Variants in ALDH1A1 observed in about 807,000 individuals in gnomAD.
ALDH1A1 encodes aldehyde dehydrogenase 1 family member A1.
ALDH1A1 carries 19 observed loss-of-function variants against 62.1 expected under a neutral mutation model. That is an observed-to-expected ratio of 0.31 (90% confidence interval 0.21 to 0.45). The LOEUF (loss-of-function observed/expected upper bound fraction) is 0.45. Ranked by LOEUF, ALDH1A1 falls within the 20% of genes least tolerant of loss-of-function variation. ALDH1A1 has a pLI of 1.00. For missense variants in ALDH1A1, 521 were observed against 607.1 expected (o/e 0.86, Z 1.49); for synonymous variants, 231 against 215.9 (o/e 1.07, Z -0.61).
intron 1 of ALDH1A1, among the ~76,000 whole-genome samples, chr9:72,951,047 GCAGAA>G: frequency 6.6e-6 from 1 of 152,004 alleles, no homozygotes; most frequent in South Asian, 2.1e-4. Context: ...TGCTATCTGA[GCAGAA>G]CAGATTTATA....
intron 11 of ALDH1A1, among the ~76,000 whole-genome samples, chr9:72,907,346 G>T (rs2118480934): frequency 6.6e-6 from 1 of 152,222 alleles, no homozygotes; most frequent in African/African-American, 2.4e-5. Context: ...CAGCTATTAG[G>T]TCTGGGACAA....
chr9:72,914,268 A>G (rs1342714594), intron 9 of ALDH1A1, among the ~76,000 whole-genome samples: 1 of 152,234 alleles, frequency 6.6e-6, no homozygotes, highest in East Asian at 1.9e-4. Flanking sequence ...AAAGCAATGA[A>G]TAGATATAGA....
In ALDH1A1 at chr9:72,917,006, C is replaced by A. The variant is rs1191675536; in HGVS notation, c.949G>T (p.Asp317Tyr). The change falls in exon 9 of 13, where the codon GAT becomes TAT. Residue 317 changes from aspartate (D) to tyrosine (Y), a missense_variant. Physicochemically the swap from Asp to Tyr is radical, Grantham distance 160. Coordinates refer to ENST00000297785, the MANE Select transcript of ALDH1A1 (RefSeq NM_000689.5). The part of the protein sequence containing the change: ...SRIFVEESIY[D>Y]EFVRRSVERA... The stretch of plus-strand genomic sequence containing the variant: ...TCAACACTCCTTCGAACAAACTCAT[C>A]ATAAATTGATTCTTCCACAAAAATC... 8 of 1,613,966 alleles carry A rather than the reference C, an allele frequency of 5.0e-6. No individual in the cohort carries two copies. Among genetic ancestry groups the A allele is most frequent in the Non-Finnish European group, 5.9e-6 (7 of 1,179,906 alleles).
chr9:72,942,446 G>T, intron 1 of ALDH1A1: 1 of 875,552 alleles, frequency 1.1e-6, no homozygotes, highest in Non-Finnish European at 1.4e-6. Flanking sequence ...GTACCCTTTT[G>T]TATCACTTTG....
At chr9:72,909,875 A>G in intron 10 of ALDH1A1, 116 bp from the exon 11 acceptor site, 1 of 838,254 alleles carries the variant, frequency 1.2e-6, no homozygotes, top group Non-Finnish European at 1.7e-6. Context: ...TTTGCTTCTC[A>G]TCTCAAACCT....
chr9:72,940,460 G>A (rs1016577605), intron 1 of ALDH1A1, among the ~76,000 whole-genome samples: 1 of 152,084 alleles, frequency 6.6e-6, no homozygotes, highest in African/African-American at 2.4e-5. Context: ...TAAGTTTAAG[G>A]TATGCAATCA....
intron 7 of ALDH1A1, 163 bp downstream of exon 7, chr9:72,923,856 T>TA: frequency 2.2e-6 from 1 of 458,082 alleles, no homozygotes; most frequent in Non-Finnish European, 3.8e-6. Flanking sequence ...TCAAACTACA[T>TA]CTGCTTATAT....
At chr9:72,929,295 C>T (rs1165692659) in intron 3 of ALDH1A1, among the ~76,000 whole-genome samples, 4 of 152,178 alleles carry the variant, frequency 2.6e-5, no homozygotes, top group African/African-American at 7.2e-5. Context: ...TTCTAGGAAT[C>T]GGTCACAATT....
chr9:72,916,963 A>C lies in ALDH1A1; in HGVS notation c.992T>G (p.Ile331Ser). Residue 331 changes from isoleucine (I) to serine (S), a missense_variant, in exon 9 of 13, where the codon ATC (isoleucine) becomes AGC (serine). Coordinates refer to ENST00000297785, the MANE Select transcript of ALDH1A1 (RefSeq NM_000689.5). ...RRSVERAKKY[I>S]LGNPLTPGVT... Reference sequence around the variant, plus strand: ...TCCTGGGGTCAGAGGATTTCCAAGGATATACTTCTTAGCCCGCTCAACACT... The same window carrying C: ...TCCTGGGGTCAGAGGATTTCCAAGGCTATACTTCTTAGCCCGCTCAACACT... 1 of 1,613,466 alleles carries C rather than the reference A, an allele frequency of 6.2e-7. No individual in the cohort carries two copies. The highest frequency in any genetic ancestry group is 8.5e-7 in the Non-Finnish European group (1 of 1,179,682).
At chr9:72,928,861 T>A (rs1830244110) in intron 4 of ALDH1A1, 31 bp downstream of exon 4, 1 of 1,608,874 alleles carries the variant, frequency 6.2e-7, no homozygotes, top group Admixed American at 1.7e-5. Context: ...GCTCCTATCC[T>A]CACCATTAGT....
At chr9:72,918,873 A>G (rs1588135276) in intron 7 of ALDH1A1, 51 bp from the exon 8 acceptor site, 1 of 1,346,828 alleles carries the variant, frequency 7.4e-7, no homozygotes, top group Non-Finnish European at 1.1e-6. Context: ...TCATGAACAC[A>G]GGTTGCTTTA....
At chr9:72,936,905 C>G (rs1830353097) in intron 2 of ALDH1A1, among the ~76,000 whole-genome samples, 1 of 152,108 alleles carries the variant, frequency 6.6e-6, no homozygotes, top group South Asian at 2.1e-4. Context: ...ATTCCCTCAC[C>G]TCCTTCCCAA....
intron 2 of ALDH1A1, 142 bp from the exon 3 acceptor site, chr9:72,931,161 A>G (rs993048383): frequency 1.8e-5 from 14 of 788,650 alleles, no homozygotes; most frequent in Non-Finnish European, 2.8e-5. Context: ...CACATTGCGC[A>G]CATTCAACTA....
intron 3 of ALDH1A1, among the ~76,000 whole-genome samples, chr9:72,929,553 C>G (rs1830254130): frequency 6.6e-6 from 1 of 152,214 alleles, no homozygotes. Context: ...AATTAGGAAA[C>G]TACCAGTGTT....
intron 2 of ALDH1A1, among the ~76,000 whole-genome samples, chr9:72,935,797 T>A (rs1830340035): frequency 6.6e-6 from 1 of 152,106 alleles, no homozygotes; most frequent in African/African-American, 2.4e-5. Flanking sequence ...ACAAATTAAA[T>A]CCCTAAAACC....
chr9:72,948,554 T>C (rs926529958), intron 1 of ALDH1A1, among the ~76,000 whole-genome samples: 1 of 151,948 alleles, frequency 6.6e-6, no homozygotes, highest in Non-Finnish European at 1.5e-5. Context: ...TCTTCCCTAC[T>C]CTTGGCCACC....
chr9:72,906,020 A>G lies in ALDH1A1; in HGVS notation c.1371T>C (p.Tyr457=), dbSNP rs1404533061. 3 of 1,611,738 alleles carry G rather than the reference A, an allele frequency of 1.9e-6. No individual in the cohort carries two copies. The highest frequency in any genetic ancestry group is 1.7e-5 in the Admixed American group (1 of 59,864). ...AGGGGCACTGGGCACTTACCACGCCATAGCAATTCACCCTGAAGGAAAAGA... is the reference window on the plus strand; with the variant it reads ...AGGGGCACTGGGCACTTACCACGCCGTAGCAATTCACCCTGAAGGAAAAGA... ...LQAGTVWVNC[Y]GVVSAQCPFG... Residue 457 remains tyrosine (Y), a synonymous_variant, in exon 12 of 13, where the codon TAT becomes TAC. Coordinates refer to ENST00000297785, the MANE Select transcript of ALDH1A1 (RefSeq NM_000689.5).
intron 11 of ALDH1A1, among the ~76,000 whole-genome samples, chr9:72,908,559 GA>G (rs1191460937): frequency 0.029 from 243 of 8,478 alleles, no homozygotes; most frequent in African/African-American, 0.038. Flanking sequence ...AAAGAAGAAA[GA>G]AAGAAAGAAA....
intron 3 of ALDH1A1, among the ~76,000 whole-genome samples, chr9:72,929,764 G>T (rs1335308636): frequency 6.6e-6 from 1 of 152,132 alleles, no homozygotes; most frequent in Non-Finnish European, 1.5e-5. Flanking sequence ...AAAGCTATTT[G>T]TTTCTGTACT....
Sources: allele counts gnomAD v4.1 joint callset (sites outside exome capture counted in the v4.1 genomes callset), GRCh38; gene constraint gnomAD v4.1.1; transcripts MANE v1.5; gene names NCBI Gene and HGNC (gene_info 2026-07-23, HGNC 2026-07-21).